NSMCE2: variants seen among roughly 807,000 people sequenced by gnomAD.
The protein encoded by NSMCE2 is NSE2 SUMO ligase component of SMC5/6 complex.
Under a neutral mutation model 23.8 loss-of-function variants are expected in NSMCE2, and 24 were observed. That is an observed-to-expected ratio of 1.01 (90% CI 0.73 to 1.42). The LOEUF is 1.42. Ranked by LOEUF, NSMCE2 falls within the 40% of genes most tolerant of loss-of-function variation. The pLI is 0.00. For missense variants in NSMCE2, 284 were observed against 296.5 expected, an observed-to-expected ratio of 0.96 and a Z score of 0.31; for synonymous variants, 92 against 94.1, an observed-to-expected ratio of 0.98 and a Z score of 0.13.
At chr8:125,259,605 C>T (rs1048720730) in intron 5 of NSMCE2, among the ~76,000 whole-genome samples, 4 of 152,288 alleles carry the variant, frequency 2.6e-5, no homozygotes, top group East Asian at 3.9e-4. Flanking sequence ...ACTGCAGTAG[C>T]GTACTTGCTT....
chr8:125,190,814 C>T (rs1385228780), intron 5 of NSMCE2, among the ~76,000 whole-genome samples: 2 of 152,148 alleles, frequency 1.3e-5, no homozygotes, highest in East Asian at 1.9e-4. Context: ...TAACAGCCGA[C>T]ATTGTTTGAG....
rs192180545 is a variant in NSMCE2, at chr8:125,352,368, C to T, written c.419-4851C>T. ...GTGCATGCCTGTAATCCCAGCTACT[C>T]GGGAGGCTGAGGCAGGAGAATCGCT... is the stretch of plus-strand genomic sequence containing the variant. On this transcript the variant is annotated intron_variant, in intron 5 of 7. Coordinates refer to ENST00000287437, the MANE Select transcript of NSMCE2 (RefSeq NM_173685.4). Among the ~76,000 whole-genome samples the T allele has an allele frequency of 7.8e-4, 118 of 150,790 alleles. No homozygotes were observed. The East Asian group carries it at 0.019, about 24-fold the overall frequency.
chr8:125,259,739 T>G (rs935035611), intron 5 of NSMCE2, among the ~76,000 whole-genome samples: 1 of 152,206 alleles, frequency 6.6e-6, no homozygotes, highest in Non-Finnish European at 1.5e-5. Context: ...TTATATGGCT[T>G]TATGTTTATT....
chr8:125,116,885 C>CTT (rs35636109), intron 3 of NSMCE2, among the ~76,000 whole-genome samples: 137 of 129,530 alleles, frequency 1.1e-3, no homozygotes, highest in South Asian at 2.2e-3. Context: ...AAGCATATAA[C>CTT]TTTTTTTTTT....
intron 5 of NSMCE2, among the ~76,000 whole-genome samples, chr8:125,339,188 T>G (rs7015414): frequency 6.6e-6 from 1 of 151,938 alleles, no homozygotes; most frequent in Non-Finnish European, 1.5e-5. Flanking sequence ...TTTTCTCTCC[T>G]CAGCTTACAG....
intron 5 of NSMCE2, among the ~76,000 whole-genome samples, chr8:125,247,620 G>A (rs1826041378): frequency 6.6e-6 from 1 of 151,986 alleles, no homozygotes; most frequent in South Asian, 2.1e-4. Flanking sequence ...AGCTACTCGG[G>A]AGGCTGAGGC....
Position 125,114,615 on chromosome 8 carries a change from C to T in NSMCE2, c.157+12128C>T, listed in dbSNP as rs113985617. On this transcript the variant is annotated intron_variant, in intron 3 of 7. Coordinates refer to ENST00000287437, the MANE Select transcript of NSMCE2 (RefSeq NM_173685.4). The stretch of plus-strand genomic sequence containing the variant: ...TTCTGGCTGTCACAACTCGGGGATG[C>T]GGGGAGCATGTGTGCCCTGGCCTCT... 2.1e-3 allele frequency among the ~76,000 whole-genome samples: 325 copies of T among 152,222 alleles called. 2 individuals carry two copies. Among genetic ancestry groups the T allele is most frequent in the African/African-American group, 7.5e-3 (312 of 41,528 alleles).
chr8:125,363,742 C>G (rs1048132972), intron 7 of NSMCE2, among the ~76,000 whole-genome samples: 1 of 152,068 alleles, frequency 6.6e-6, no homozygotes, highest in Non-Finnish European at 1.5e-5. Flanking sequence ...GACTTCACAG[C>G]GTAGGGGGAC....
chr8:125,259,092 G>A (rs1826568431), intron 5 of NSMCE2, among the ~76,000 whole-genome samples: 1 of 152,104 alleles, frequency 6.6e-6, no homozygotes, highest in African/African-American at 2.4e-5. Context: ...AGTAGAGACG[G>A]GGTTTCTCCA....
chr8:125,187,295 G>A (rs546171863), intron 5 of NSMCE2, among the ~76,000 whole-genome samples: 20 of 152,332 alleles, frequency 1.3e-4, no homozygotes, highest in African/African-American at 4.8e-4. Context: ...CTAGGATAGT[G>A]ATGGTGGTGA....
At chr8:125,102,986 G>A (rs868853116) in intron 3 of NSMCE2, among the ~76,000 whole-genome samples, 13 of 152,158 alleles carry the variant, frequency 8.5e-5, no homozygotes, top group Admixed American at 5.9e-4. Context: ...GTGATTTGCA[G>A]GCCGGGTGCA....
chr8:125,092,845 A>G (rs1817735499), intron 1 of NSMCE2, among the ~76,000 whole-genome samples: 1 of 152,246 alleles, frequency 6.6e-6, no homozygotes, highest in Non-Finnish European at 1.5e-5. Flanking sequence ...TAAACCAGTT[A>G]TTCTCAACTG....
chr8:125,289,396 G>A (rs927874090), intron 5 of NSMCE2, among the ~76,000 whole-genome samples: 14 of 152,284 alleles, frequency 9.2e-5, no homozygotes, highest in Admixed American at 7.8e-4. Flanking sequence ...CTCTGTCTCT[G>A]CTCTCAGTCT....
At chr8:125,160,705 A>C (rs1449899474) in intron 4 of NSMCE2, among the ~76,000 whole-genome samples, 1 of 152,214 alleles carries the variant, frequency 6.6e-6, no homozygotes, top group South Asian at 2.1e-4. Context: ...GAACCAGACA[A>C]CAAGTAAACA....
At chr8:125,327,574 G>A (rs1263046022) in intron 5 of NSMCE2, among the ~76,000 whole-genome samples, 1 of 152,050 alleles carries the variant, frequency 6.6e-6, no homozygotes, top group African/African-American at 2.4e-5. Flanking sequence ...CTACCATTTT[G>A]TAGTATGTGA....
chr8:125,190,409 G>A (rs895104194), intron 5 of NSMCE2, among the ~76,000 whole-genome samples: 3 of 152,202 alleles, frequency 2.0e-5, no homozygotes, highest in Admixed American at 2.0e-4. Flanking sequence ...CCAGAAGACA[G>A]ACGGTGCCAA....
At chr8:125,173,216 T>C (rs567161971) in intron 4 of NSMCE2, among the ~76,000 whole-genome samples, 12 of 152,346 alleles carry the variant, frequency 7.9e-5, no homozygotes, top group Admixed American at 3.3e-4. Flanking sequence ...GGAGGTATTG[T>C]TGAGTCCCTT....
chr8:125,310,901 T>C (rs139347702), intron 5 of NSMCE2, among the ~76,000 whole-genome samples: 15 of 152,380 alleles, frequency 9.8e-5, no homozygotes, highest in African/African-American at 3.4e-4. Flanking sequence ...TGTGATCACT[T>C]GTAATAAAAC....
intron 3 of NSMCE2, among the ~76,000 whole-genome samples, chr8:125,102,992 G>A (rs1818271385): frequency 6.6e-6 from 1 of 152,176 alleles, no homozygotes; most frequent in African/African-American, 2.4e-5. Flanking sequence ...TGCAGGCCGG[G>A]TGCAGTGGCT....
Sources: allele counts gnomAD v4.1 joint callset (sites outside exome capture counted in the v4.1 genomes callset), GRCh38; gene constraint gnomAD v4.1.1; transcripts MANE v1.5; gene names NCBI Gene and HGNC (gene_info 2026-07-23, HGNC 2026-07-21).